BTD: variants seen among roughly 807,000 people sequenced by gnomAD.
The protein encoded by BTD is biocytinase.
In BTD, 13 loss-of-function variants were observed where a neutral mutation model predicts 17.7. The ratio of observed to expected loss-of-function variants is 0.74; its 90% CI spans 0.48 to 1.17. The LOEUF (loss-of-function observed/expected upper bound fraction) is 1.17, where lower values mean the gene tolerates loss of function less well. Ranked by LOEUF, BTD falls within the 50% of genes most tolerant of loss-of-function variation. BTD has a pLI of 0.00. For missense variants in BTD, 674 were observed against 650.4 expected (o/e 1.04, Z -0.39); for synonymous variants, 240 against 245.2 (o/e 0.98, Z 0.20).
At chr3:15,666,026 G>A (rs2065981864) in intron 3 of BTD, among the ~76,000 whole-genome samples, 1 of 152,186 alleles carries the variant, frequency 6.6e-6, no homozygotes, top group African/African-American at 2.4e-5. Context: ...GGTGGCAACA[G>A]CAACTGAAAT....
At position 15,635,781 on chromosome 3, in the gene BTD, C is replaced by T. The variant is rs180747502; in HGVS notation, c.249+93C>T. On this transcript the variant is annotated intron_variant, in intron 2 of 3. Transcript: ENST00000643237. The surrounding 1 kb of genome is among the most constrained non-coding windows in gnomAD (Gnocchi z 4.1). ...TGGTTGGGTAATCCCAGGCTTCCTACCACCCTCTGAAAAAGCATCCAGGTA... is the reference window on the plus strand; with the variant it reads ...TGGTTGGGTAATCCCAGGCTTCCTATCACCCTCTGAAAAAGCATCCAGGTA... 1 of 1,572,956 alleles carries T rather than the reference C, an allele frequency of 6.4e-7. No individual in the cohort carries two copies. The highest frequency in any genetic ancestry group is 2.2e-5 in the East Asian group (1 of 44,668).
chr3:15,636,408 C>T (rs2065349150), intron 2 of BTD, among the ~76,000 whole-genome samples: 1 of 152,196 alleles, frequency 6.6e-6, no homozygotes. Context: ...TTCCTGCTCC[C>T]TTCAGGAAGG....
At chr3:15,702,998 C>G (rs1481179924) in intron 3 of BTD, among the ~76,000 whole-genome samples, 1 of 152,110 alleles carries the variant, frequency 6.6e-6, no homozygotes, top group African/African-American at 2.4e-5. Context: ...TAAATAGGCA[C>G]AGAGAGGTTA....
Position 15,650,037 on chromosome 3 carries a change from G to A in BTD, c.*4549G>A, listed in dbSNP as rs1012340647. On this transcript the variant is annotated 3_prime_UTR_variant, in exon 4 of 4. Transcript: ENST00000643237. ...TGAGTCTTGGATTTGCATCTTTATC[G>A]TGACTCCACGGAGACCCACCCTCTA... Among the ~76,000 whole-genome samples, 6 of 152,188 alleles carry A rather than the reference G, an allele frequency of 3.9e-5. No homozygotes were observed. Among genetic ancestry groups the A allele is most frequent in the Non-Finnish European group, 5.9e-5 (4 of 68,038 alleles).
chr3:15,697,249 AC>A (rs1329316295), intron 3 of BTD: 1 of 153,146 alleles, frequency 6.5e-6, no homozygotes, highest in Admixed American at 6.6e-5. Context: ...ACGCGAAGGC[AC>A]AAAAATGATA....
intron 3 of BTD, chr3:15,686,092 G>C (rs376891784): frequency 6.2e-7 from 1 of 1,613,216 alleles, no homozygotes; most frequent in African/African-American, 1.3e-5. Context: ...CTGTGTGCCC[G>C]TTGAGAACAG....
rs1296130453 is a variant in BTD, at chr3:15,645,842, T to G, written c.*354T>G. The G allele has an allele frequency of 1.1e-4, 21 of 191,306 alleles. No individual in the cohort carries two copies. The East Asian group carries it at 2.6e-3, about 24-fold the overall frequency. 11.9% of individuals were successfully genotyped at this position (191,306 alleles called of 1,614,324 possible). ...CACAAAGCAGTGGCTTGGGGTTTTT[T>G]TTTTTTTTTTTATCTTGTTGATCAA... On this transcript the variant is annotated 3_prime_UTR_variant, in exon 4 of 4. Transcript: ENST00000643237.
intron 3 of BTD, among the ~76,000 whole-genome samples, chr3:15,698,033 G>C (rs2069928531): frequency 6.6e-6 from 1 of 152,018 alleles, no homozygotes; most frequent in South Asian, 2.1e-4. Flanking sequence ...GGTGTTTATA[G>C]TATTCTCTGA....
chr3:15,671,020 G>T (rs536526957), intron 3 of BTD, among the ~76,000 whole-genome samples: 4 of 152,214 alleles, frequency 2.6e-5, no homozygotes, highest in African/African-American at 7.2e-5. Flanking sequence ...TCTTAAATGT[G>T]TACAGCTTCA....
chr3:15,696,857 A>G (rs558747668), intron 3 of BTD, among the ~76,000 whole-genome samples: 1 of 152,288 alleles, frequency 6.6e-6, no homozygotes, highest in East Asian at 1.9e-4. Flanking sequence ...TATATGTAAA[A>G]CCACTATGGA....
rs150206202 is a variant in BTD, at chr3:15,645,354, C to G, written c.1438C>G (p.Leu480Val). The G allele has an allele frequency of 8.7e-6, 14 of 1,614,218 alleles. No homozygotes were observed. The highest frequency in any genetic ancestry group is 1.6e-4 in the Middle Eastern group (1 of 6,062). The change falls in exon 4 of 4, where the codon CTG becomes GTG. Residue 480 changes from leucine (L) to valine (V), a missense_variant. By Grantham distance (32) the Leu-to-Val change is conservative (BLOSUM62 1). Coordinates refer to ENST00000643237, the MANE Select transcript of BTD (RefSeq NM_001370658.1). ...TACTTCCTATATCTTTCCTTTGTTT[C>G]TGACCTCAGGGATGACCCTAGAAGT... ...FSTSYIFPLF[L>V]TSGMTLEVPD...
intron 1 of BTD, among the ~76,000 whole-genome samples, chr3:15,631,713 C>T (rs1392915748): frequency 6.6e-6 from 1 of 152,188 alleles, no homozygotes; most frequent in Non-Finnish European, 1.5e-5. Context: ...CAAGATGCCA[C>T]TCTGCATCTC....
intron 3 of BTD, among the ~76,000 whole-genome samples, chr3:15,665,489 T>C (rs1408216542): frequency 6.6e-6 from 1 of 152,174 alleles, no homozygotes; most frequent in East Asian, 1.9e-4. Context: ...AAATACATGT[T>C]TGTTGCCCAG....
intron 3 of BTD, among the ~76,000 whole-genome samples, chr3:15,692,440 A>G (rs2068933595): frequency 6.6e-6 from 1 of 152,240 alleles, no homozygotes; most frequent in Admixed American, 6.5e-5. Flanking sequence ...ACAGAGTGAG[A>G]CAATGAAAAA....
intron 1 of BTD, among the ~76,000 whole-genome samples, chr3:15,609,496 G>A (rs1023754825): frequency 8.5e-5 from 13 of 152,154 alleles, no homozygotes; most frequent in Non-Finnish European, 1.8e-4. Flanking sequence ...ATATCAAGGT[G>A]GAGGTCATCA....
intron 3 of BTD, among the ~76,000 whole-genome samples, chr3:15,662,778 G>A (rs1040137081): frequency 6.6e-5 from 10 of 151,312 alleles, no homozygotes; most frequent in Non-Finnish European, 1.5e-4. Context: ...GGAACTATAG[G>A]TGTGTGCCAC....
chr3:15,697,183 C>G (rs1246372661), intron 3 of BTD: 1 of 152,116 alleles, frequency 6.6e-6, no homozygotes, highest in African/African-American at 2.4e-5. Context: ...TGAAGCAATT[C>G]AGGGATGGAA....
At chr3:15,722,201 G>A (rs1039122775) in exon 5 of BTD, among the ~76,000 whole-genome samples, 23 of 152,174 alleles carry the variant, frequency 1.5e-4, no homozygotes, top group Non-Finnish European at 3.1e-4. Context: ...TATTTAGAGT[G>A]GGAGCTTTGG....
rs139771608 is a variant in BTD, at chr3:15,698,174, C to T, written c.400-11886C>T. ...TCTCAATAGATGCAGAAAAGGCCTT[C>T]GACAAAATTCAACAGCACTTCATGC... is the stretch of plus-strand genomic sequence containing the variant. On this transcript the variant is annotated intron_variant, in intron 3 of 3. Coordinates refer to the BTD transcript ENST00000672141. Among the ~76,000 whole-genome samples the T allele has an allele frequency of 1.2e-3, 176 of 152,054 alleles. 5 individuals carry two copies. In the East Asian group the frequency reaches 0.02, roughly 17 times the overall value.
Sources: gnomAD v4.1 joint callset for allele counts (sites outside exome capture counted in the v4.1 genomes callset) on GRCh38, gnomAD v4.1.1 for gene constraint, Gnocchi (gnomAD v3.1) non-coding constraint, MANE v1.5 for transcripts, NCBI Gene and HGNC (gene_info 2026-07-23, HGNC 2026-07-21) for gene names.